ZFPM2: variants seen among roughly 807,000 people sequenced by gnomAD.
ZFPM2 encodes zinc finger protein ZFPM2.
In ZFPM2, 20 loss-of-function variants were observed where a neutral mutation model predicts 98.6. The observed-to-expected ratio is 0.20, with a 90% CI of 0.14 to 0.29. ZFPM2 has a LOEUF of 0.29. Among genes scored for constraint, ZFPM2 ranks in the 10% least tolerant of loss-of-function variants. ZFPM2 has a pLI of 1.00. For missense variants in ZFPM2, 1,310 were observed against 1,388.6 expected, an observed-to-expected ratio of 0.94 and a Z score of 0.90; for synonymous variants, 518 against 502.7, an observed-to-expected ratio of 1.03 and a Z score of -0.41.
At chr8:105,644,023 C>G (rs1386177799) in intron 5 of ZFPM2, among the ~76,000 whole-genome samples, 1 of 152,206 alleles carries the variant, frequency 6.6e-6, no homozygotes, top group Non-Finnish European at 1.5e-5. Flanking sequence ...CAGAGACAAT[C>G]TAGTTTGTAA....
intron 2 of ZFPM2, among the ~76,000 whole-genome samples, chr8:105,429,755 A>G (rs191680917): frequency 1.5e-3 from 232 of 151,854 alleles, no homozygotes; most frequent in African/African-American, 5.3e-3. Context: ...GGAAAACCCA[A>G]CTCAGATGTG....
At chr8:105,548,008 G>A (rs1201089704) in intron 3 of ZFPM2, among the ~76,000 whole-genome samples, 2 of 151,840 alleles carry the variant, frequency 1.3e-5, no homozygotes, top group Non-Finnish European at 2.9e-5. Context: ...AAGAAAAGCA[G>A]TTGACTTCTT....
At position 105,320,256 on chromosome 8, in the gene ZFPM2, TTGTGTGTGTG is replaced by T. The variant is rs71305141; in HGVS notation, c.40+1309_40+1318del. Among the ~76,000 whole-genome samples, 265 of 142,342 alleles carry T rather than the reference TTGTGTGTGTG, an allele frequency of 1.9e-3. 2 individuals carry two copies. The highest frequency in any genetic ancestry group is 6.1e-3 in the African/African-American group (232 of 38,224). The allele number at this position is 142,342 out of a possible 152,430, so 93.4% of individuals were successfully genotyped here. On this transcript the variant is annotated intron_variant, in intron 1 of 7. Coordinates refer to ENST00000407775, the MANE Select transcript of ZFPM2 (RefSeq NM_012082.4). ...TATCAACAGTTAAGTATTCAGATCT[TTGTGTGTGTG>T]TGTGTGTGTGTGTGTGTGTGTGTGT...
At chr8:105,565,021 G>C (rs1815214965) in intron 4 of ZFPM2, among the ~76,000 whole-genome samples, 1 of 151,954 alleles carries the variant, frequency 6.6e-6, no homozygotes, top group Non-Finnish European at 1.5e-5. Flanking sequence ...CTCTTAAATT[G>C]CTTATTCGCC....
At chr8:105,693,980 C>CTTTTTTTTTTTTTT (rs376834507) in intron 5 of ZFPM2, among the ~76,000 whole-genome samples, 184 of 118,408 alleles carry the variant, frequency 1.6e-3, no homozygotes, top group African/African-American at 2.1e-3. Context: ...TTTTTCTTTT[C>CTTTTTTTTTTTTTT]TTTTTTTTTT....
At chr8:105,477,478 C>G (rs1446517073) in intron 3 of ZFPM2, among the ~76,000 whole-genome samples, 2 of 151,794 alleles carry the variant, frequency 1.3e-5, no homozygotes, top group African/African-American at 4.8e-5. Flanking sequence ...CTCCTGACCT[C>G]GTGATCCACC....
intron 1 of ZFPM2, among the ~76,000 whole-genome samples, chr8:105,356,161 C>G (rs945152688): frequency 6.6e-6 from 1 of 152,134 alleles, no homozygotes; most frequent in Non-Finnish European, 1.5e-5. Context: ...TCCTGTAATT[C>G]AAACTTTCTT....
chr8:105,634,726 ACAATTTGTGT>A (rs1816815990), intron 5 of ZFPM2, among the ~76,000 whole-genome samples: 1 of 152,188 alleles, frequency 6.6e-6, no homozygotes, highest in South Asian at 2.1e-4. Flanking sequence ...TCTAAATTTA[ACAATTTGTGT>A]CAAGGTGCAT....
intron 4 of ZFPM2, among the ~76,000 whole-genome samples, chr8:105,608,591 T>G (rs1467450664): frequency 3.3e-5 from 5 of 150,866 alleles, no homozygotes; most frequent in East Asian, 3.9e-4. Flanking sequence ...TTTTTTTTTT[T>G]TTTTTTTTTT....
intron 1 of ZFPM2, among the ~76,000 whole-genome samples, chr8:105,414,303 T>C (rs142268493): frequency 6.2e-4 from 95 of 152,158 alleles, no homozygotes; most frequent in Middle Eastern, 3.4e-3. Context: ...TATTAATACA[T>C]GATAATGTAT....
At chr8:105,540,352 T>A (rs1189822792) in intron 3 of ZFPM2, among the ~76,000 whole-genome samples, 1 of 152,068 alleles carries the variant, frequency 6.6e-6, no homozygotes. Context: ...TCATCAAGCC[T>A]TAGCCTTCCC....
chr8:105,630,042 G>A (rs973512889), intron 4 of ZFPM2, among the ~76,000 whole-genome samples: 9 of 152,106 alleles, frequency 5.9e-5, no homozygotes, highest in Non-Finnish European at 1.0e-4. Flanking sequence ...GCATCTTTGG[G>A]AGACCATTTT....
intron 1 of ZFPM2, among the ~76,000 whole-genome samples, chr8:105,399,519 C>T (rs2129975530): frequency 6.6e-6 from 1 of 152,256 alleles, no homozygotes; most frequent in South Asian, 2.1e-4. Flanking sequence ...CGTTTAGTTG[C>T]TATTGTTCCA....
chr8:105,446,215 C>A (rs1202996884), intron 3 of ZFPM2, among the ~76,000 whole-genome samples: 1 of 152,120 alleles, frequency 6.6e-6, no homozygotes, highest in South Asian at 2.1e-4. Flanking sequence ...CTACCGTGCC[C>A]GGCGATAGTT....
intron 3 of ZFPM2, among the ~76,000 whole-genome samples, chr8:105,554,024 A>G (rs756115339): frequency 2.6e-5 from 4 of 152,168 alleles, no homozygotes; most frequent in Non-Finnish European, 5.9e-5. Flanking sequence ...GAGTACTTGA[A>G]TAGGGAACGT....
intron 5 of ZFPM2, among the ~76,000 whole-genome samples, chr8:105,755,433 A>G (rs1812575259): frequency 6.6e-6 from 1 of 152,094 alleles, no homozygotes; most frequent in South Asian, 2.1e-4. Flanking sequence ...ACTCTGACCC[A>G]GTGTGTGATC....
intron 1 of ZFPM2, among the ~76,000 whole-genome samples, chr8:105,406,989 T>C (rs1181358750): frequency 6.6e-6 from 1 of 151,794 alleles, no homozygotes; most frequent in Non-Finnish European, 1.5e-5. Flanking sequence ...ATGAGGAAGG[T>C]GGTGTGGTAT....
chr8:105,442,028 T>C (rs1812261616), intron 2 of ZFPM2, among the ~76,000 whole-genome samples: 1 of 152,122 alleles, frequency 6.6e-6, no homozygotes, highest in Admixed American at 6.5e-5. Flanking sequence ...AAAAATGTTT[T>C]AAAAATTTGT....
intron 3 of ZFPM2, among the ~76,000 whole-genome samples, chr8:105,561,146 G>C (rs1368164398): frequency 6.6e-6 from 1 of 152,120 alleles, no homozygotes; most frequent in Non-Finnish European, 1.5e-5. Flanking sequence ...ATGTGAAAAG[G>C]TGAAAGGAAG....
Sources: allele counts gnomAD v4.1 joint callset (sites outside exome capture counted in the v4.1 genomes callset), GRCh38; gene constraint gnomAD v4.1.1; transcripts MANE v1.5; gene names NCBI Gene and HGNC (gene_info 2026-07-23, HGNC 2026-07-21).